The following MLIP variants were observed in gnomAD, a reference collection of about 807,000 sequenced individuals.
The protein encoded by MLIP is muscular LMNA interacting protein.
In MLIP, 79 loss-of-function variants were observed where a neutral mutation model predicts 84.8. The observed-to-expected ratio is 0.93, with a 90% CI of 0.78 to 1.12. The LOEUF (loss-of-function observed/expected upper bound fraction) is 1.12. MLIP is among the 50% of genes most tolerant of loss of function. MLIP has a pLI of 0.00. For synonymous variants in MLIP, 504 were observed against 463.0 expected, an observed-to-expected ratio of 1.09 and a Z score of -1.14; for missense variants, 1,257 against 1,160.6, an observed-to-expected ratio of 1.08 and a Z score of -1.21.
intron 9 of MLIP, among the ~76,000 whole-genome samples, chr6:54,175,782 G>C (rs1257701732): frequency 6.6e-6 from 1 of 151,762 alleles, no homozygotes; most frequent in Non-Finnish European, 1.5e-5. Flanking sequence ...AATAACAGTG[G>C]TGACAGTGGA....
rs114945233 is a variant in MLIP at position 54,069,498 on chromosome 6, A to C, written c.63+50407A>C. 1.7e-3 allele frequency among the ~76,000 whole-genome samples: 174 copies of C among 100,160 alleles called. 15 individuals are homozygous for C. Among genetic ancestry groups the C allele is most frequent in the African/African-American group, 4.3e-3 (168 of 39,208 alleles). The allele number at this position is 100,160 out of a possible 152,430, so 65.7% of individuals were successfully genotyped here. A position where few individuals can be genotyped will look rare whatever the true frequency, so the allele number is the denominator to read the frequency against. On this transcript the variant is annotated intron_variant, in intron 1 of 12. Coordinates refer to the MLIP transcript ENST00000274897. The stretch of plus-strand genomic sequence containing the variant: ...TCCCTCTTGCAGGTAACAAAATCTG[A>C]GGATGTTCAAGTCCCTGATATAAAA...
At chr6:54,221,777 C>T (rs1780238925) in intron 11 of MLIP, among the ~76,000 whole-genome samples, 1 of 151,988 alleles carries the variant, frequency 6.6e-6, no homozygotes, top group Non-Finnish European at 1.5e-5. Flanking sequence ...TATATTCAGA[C>T]TCTATCCTGC....
chr6:54,056,897 C>T (rs556347869), intron 1 of MLIP, among the ~76,000 whole-genome samples: 10 of 152,178 alleles, frequency 6.6e-5, no homozygotes, highest in Non-Finnish European at 1.2e-4. Flanking sequence ...TTTTACATCT[C>T]TACCATGATT....
chr6:54,129,252 T>C (rs766325675), intron 3 of MLIP, among the ~76,000 whole-genome samples: 5 of 152,162 alleles, frequency 3.3e-5, no homozygotes, highest in Non-Finnish European at 5.9e-5. Context: ...ACCCTATTCA[T>C]ACCAGCATAC....
chr6:54,115,511 C>A (rs1769836628), intron 1 of MLIP, among the ~76,000 whole-genome samples: 1 of 152,146 alleles, frequency 6.6e-6, no homozygotes, highest in African/African-American at 2.4e-5. Flanking sequence ...GGAAGGTTTG[C>A]AGCTATTGGG....
intron 8 of MLIP, among the ~76,000 whole-genome samples, chr6:54,162,870 TAAC>T: frequency 6.6e-6 from 1 of 152,014 alleles, no homozygotes; most frequent in South Asian, 2.1e-4. Context: ...CCAAGGAACA[TAAC>T]ATCACAGGTC....
At chr6:54,042,218 A>G (rs532150372) in intron 1 of MLIP, among the ~76,000 whole-genome samples, 35 of 151,938 alleles carry the variant, frequency 2.3e-4, no homozygotes, top group African/African-American at 8.4e-4. Flanking sequence ...AACTGAAAAG[A>G]CTCTCCCTAG....
chr6:54,054,381 C>T (rs1765530010), intron 1 of MLIP, among the ~76,000 whole-genome samples: 2 of 144,198 alleles, frequency 1.4e-5, no homozygotes, highest in South Asian at 4.4e-4. Flanking sequence ...GATTGAGTTT[C>T]GAAGTCTCTA....
At chr6:54,105,171 C>T (rs758229518) in intron 1 of MLIP, among the ~76,000 whole-genome samples, 3 of 152,146 alleles carry the variant, frequency 2.0e-5, no homozygotes, top group Non-Finnish European at 4.4e-5. Flanking sequence ...AGCAACTGGA[C>T]ATTTCACAGC....
intron 1 of MLIP, among the ~76,000 whole-genome samples, chr6:54,032,062 G>C (rs1764171855): frequency 6.6e-6 from 1 of 152,110 alleles, no homozygotes. Context: ...GGAGACTATG[G>C]AACTTTCTGA....
intron 13 of MLIP, among the ~76,000 whole-genome samples, chr6:54,264,055 T>C (rs1232448280): frequency 6.6e-6 from 1 of 152,070 alleles, no homozygotes; most frequent in Non-Finnish European, 1.5e-5. Context: ...GTACAACTTT[T>C]CCAACTGGCT....
intron 1 of MLIP, among the ~76,000 whole-genome samples, chr6:54,085,861 T>C (rs1224526557): frequency 6.6e-6 from 1 of 152,122 alleles, no homozygotes; most frequent in Non-Finnish European, 1.5e-5. Flanking sequence ...CCCAGAGCAG[T>C]CTCATCAGGC....
At position 54,137,407 on chromosome 6, in the gene MLIP, T is replaced by G. The variant is rs1771907631; in HGVS notation, c.1338T>G (p.Ser446=). 6.5e-7 allele frequency: 1 copy of G among 1,536,042 alleles called. No homozygotes were observed. Among genetic ancestry groups the G allele is most frequent in the Non-Finnish European group, 8.7e-7 (1 of 1,146,848 alleles). Reference sequence around the variant, plus strand: ...CCTTCTCTCTCAACTCCCCGGCCTCTTCCACGCTCACACTTGACCAAAAAG... The same window carrying G: ...CCTTCTCTCTCAACTCCCCGGCCTCGTCCACGCTCACACTTGACCAAAAAG... ...CPTFSLNSPA[S]STLTLDQKEK... The change falls in exon 4 of 14, where the codon TCT becomes TCG. Residue 446 remains serine, a synonymous_variant. Coordinates refer to ENST00000502396, the MANE Select transcript of MLIP (RefSeq NM_001281747.2).
chr6:54,033,218 G>T (rs987381229), intron 1 of MLIP, among the ~76,000 whole-genome samples: 2 of 151,836 alleles, frequency 1.3e-5, no homozygotes, highest in Non-Finnish European at 2.9e-5. Context: ...TCATCACCAC[G>T]AATCTTGGAG....
rs368508685 is a variant in MLIP, at chr6:54,213,734, A to AAAAAAAAAACC, written c.2718+11503_2718+11504insAAAAAAACCAA. Among the ~76,000 whole-genome samples, 6 of 82,372 alleles carry AAAAAAAAAACC rather than the reference A, an allele frequency of 7.3e-5. 1 individual carries two copies. The highest frequency in any genetic ancestry group is 9.5e-5 in the Non-Finnish European group (4 of 42,156). 54.0% of individuals were successfully genotyped at this position (82,372 alleles called of 152,430 possible). A position where few individuals can be genotyped will look rare whatever the true frequency, so the allele number is the denominator to read the frequency against. On this transcript the variant is annotated intron_variant, in intron 11 of 13. Transcript: ENST00000502396. ...AAAAAAAAAAAAAAAAAAAAAAAAAAAACAACAAACAGCATATCTTGTATG... is the reference window on the plus strand; with the variant it reads ...AAAAAAAAAAAAAAAAAAAAAAAAAAAAAAAAAAACCAACAACAAACAGCATATCTTGTATG...
chr6:54,124,704 C>T lies in MLIP; in HGVS notation c.484C>T (p.Pro162Ser), dbSNP rs986263683. 6.2e-7 allele frequency: 1 copy of T among 1,614,166 alleles called. No homozygotes were observed. The highest frequency in any genetic ancestry group is 8.5e-7 in the Non-Finnish European group (1 of 1,180,012). Residue 162 changes from proline to serine, a missense_variant, in exon 3 of 14, where the codon CCA (proline) becomes TCA (serine). By Grantham distance (74) the Pro-to-Ser change is moderately conservative. Coordinates refer to ENST00000502396, the MANE Select transcript of MLIP (RefSeq NM_001281747.2). The part of the protein sequence containing the change: ...AASRKVEQGP[P>S]GGIGTAAVRP... ...AAGCAGAAAAGTTGAACAAGGCCCC[C>T]CAGGGGGGATTGGCACCGCAGCTGT...
rs376013336 is a variant in MLIP, at chr6:54,160,793, A to T, written c.2493A>T (p.Thr831=). ...CAAAGACATTGTTGGGTTCTGACAC[A>T]GTCAAAGTATGTATGTATTTAATAT... ...RSPKTLLGSD[T]VKTPTTLPRA... is the part of the protein sequence containing the mutation. The change falls in exon 8 of 14, where the codon ACA becomes ACT. Residue 831 remains threonine, a synonymous_variant. Transcript: ENST00000502396. 43 of 1,604,740 alleles carry T rather than the reference A, an allele frequency of 2.7e-5. No homozygotes were observed. Among genetic ancestry groups the T allele is most frequent in the Non-Finnish European group, 3.5e-5 (41 of 1,172,752 alleles).
intron 11 of MLIP, among the ~76,000 whole-genome samples, chr6:54,219,102 A>C (rs1293052283): frequency 6.6e-6 from 1 of 151,822 alleles, no homozygotes; most frequent in Non-Finnish European, 1.5e-5. Flanking sequence ...GCTACTCGGG[A>C]GGCTGAGGCA....
chr6:54,110,656 C>T (rs1403644492), upstream of MLIP, among the ~76,000 whole-genome samples: 1 of 152,194 alleles, frequency 6.6e-6, no homozygotes, highest in Non-Finnish European at 1.5e-5. Context: ...AGCCTTTGAT[C>T]TATATCTAGT....
Sources: gnomAD v4.1 joint callset for allele counts (sites outside exome capture counted in the v4.1 genomes callset) on GRCh38, gnomAD v4.1.1 for gene constraint, MANE v1.5 for transcripts, NCBI Gene and HGNC (gene_info 2026-07-23, HGNC 2026-07-21) for gene names.